The following SETD2 variants were observed in gnomAD, a reference collection of about 807,000 sequenced individuals.
SETD2 encodes SET domain containing 2, histone lysine methyltransferase.
A neutral mutation model predicts 242.1 loss-of-function variants in SETD2; 31 were observed. The observed-to-expected ratio is 0.13, with a 90% CI of 0.10 to 0.17. The LOEUF is 0.17. Ranked by LOEUF, SETD2 falls within the 10% of genes least tolerant of loss-of-function variation. The pLI is 1.00. For synonymous variants in SETD2, 1,006 were observed against 1,066.5 expected (o/e 0.94, Z 1.11); for missense variants, 2,481 against 3,046.3 (o/e 0.81, Z 4.37).
At chr3:47,106,183 C>T (rs1053132259) in intron 5 of SETD2, 63 bp from the exon 6 acceptor site, 6 of 1,447,788 alleles carry the variant, frequency 4.1e-6, no homozygotes, top group Admixed American at 4.2e-5. Flanking sequence ...AACATATATG[C>T]TCAGGCAAAA....
chr3:47,131,961 A>G (rs2043487669), intron 1 of SETD2, among the ~76,000 whole-genome samples: 1 of 150,974 alleles, frequency 6.6e-6, no homozygotes, highest in African/African-American at 2.4e-5. Flanking sequence ...TATTTTTAGT[A>G]GAGACAGGGT....
chr3:47,087,996 T>C lies in SETD2; in HGVS notation c.5277+117A>G, dbSNP rs138282303. On this transcript the variant is annotated intron_variant, in intron 10 of 20. Transcript: ENST00000409792. ...ACAAACAAACAAACAAACAAACAAATAAATAAATAAATAAAATAAGACTAA... is the reference window on the plus strand; with the variant it reads ...ACAAACAAACAAACAAACAAACAAACAAATAAATAAATAAAATAAGACTAA... The C allele has an allele frequency of 2.5e-3, 2,469 of 974,320 alleles. 17 individuals are homozygous for C. Among genetic ancestry groups the C allele is most frequent in the East Asian group, 0.022 (609 of 27,122 alleles). 60.4% of individuals were successfully genotyped at this position (974,320 alleles called of 1,614,324 possible).
intron 18 of SETD2, among the ~76,000 whole-genome samples, chr3:47,034,302 G>A (rs1427481082): frequency 1.3e-5 from 2 of 152,128 alleles, no homozygotes; most frequent in African/African-American, 4.8e-5. Context: ...GCTAGTATTA[G>A]GAGGAATGTT....
intron 10 of SETD2, among the ~76,000 whole-genome samples, chr3:47,087,605 AC>A (rs2041618793): frequency 6.6e-6 from 1 of 151,996 alleles, no homozygotes; most frequent in Non-Finnish European, 1.5e-5. Flanking sequence ...ATGATACTGA[AC>A]TCTTTAGCCA....
chr3:47,096,227 T>C (rs144703342), intron 9 of SETD2, among the ~76,000 whole-genome samples: 38 of 152,348 alleles, frequency 2.5e-4, no homozygotes, highest in Non-Finnish European at 4.9e-4. Context: ...GATGCTGGAT[T>C]GGAGCTTATT....
chr3:47,023,688 A>G (rs557402601), intron 18 of SETD2, among the ~76,000 whole-genome samples: 2 of 152,356 alleles, frequency 1.3e-5, no homozygotes, highest in East Asian at 3.9e-4. Context: ...AATAATACAA[A>G]TAAGAACCAA....
chr3:47,139,211 C>T (rs968451499), intron 1 of SETD2, among the ~76,000 whole-genome samples: 2 of 152,166 alleles, frequency 1.3e-5, no homozygotes, highest in African/African-American at 4.8e-5. Flanking sequence ...CTCCACACTA[C>T]ACACATACCA....
chr3:47,054,867 G>A (rs1447748589), intron 15 of SETD2, among the ~76,000 whole-genome samples: 1 of 152,056 alleles, frequency 6.6e-6, no homozygotes. Flanking sequence ...ATTTATGTAT[G>A]TATATGTATA....
At chr3:47,096,011 C>G (rs981150473) in intron 9 of SETD2, among the ~76,000 whole-genome samples, 1 of 152,184 alleles carries the variant, frequency 6.6e-6, no homozygotes, top group Non-Finnish European at 1.5e-5. Flanking sequence ...CCGCCTTGGC[C>G]TCCCAAAGTG....
At chr3:47,096,196 A>T (rs914685334) in intron 9 of SETD2, among the ~76,000 whole-genome samples, 1 of 152,214 alleles carries the variant, frequency 6.6e-6, no homozygotes, top group African/African-American at 2.4e-5. Context: ...AGTTTAACAC[A>T]ATGGTTAAGA....
chr3:47,151,394 CT>C (rs1487067785), intron 1 of SETD2, among the ~76,000 whole-genome samples: 1 of 151,990 alleles, frequency 6.6e-6, no homozygotes, highest in African/African-American at 2.4e-5. Flanking sequence ...AATAAAAAAG[CT>C]TAAGCAATCG....
At chr3:47,034,912 A>T (rs1461670122) in intron 18 of SETD2, among the ~76,000 whole-genome samples, 1 of 152,182 alleles carries the variant, frequency 6.6e-6, no homozygotes, top group Non-Finnish European at 1.5e-5. Context: ...GTGTATTTAA[A>T]ATGTGTATTT....
chr3:47,024,470 TCAAATAAA>T (rs1287470419), intron 18 of SETD2, among the ~76,000 whole-genome samples: 2 of 151,918 alleles, frequency 1.3e-5, no homozygotes, highest in Non-Finnish European at 2.9e-5. Context: ...AGACTCCGTC[TCAAATAAA>T]CAAATAAACA....
At chr3:47,104,261 G>T (rs1236612863) in intron 6 of SETD2, among the ~76,000 whole-genome samples, 1 of 152,044 alleles carries the variant, frequency 6.6e-6, no homozygotes. Flanking sequence ...ATTTTCCAAG[G>T]CCAGGCACAG....
At chr3:47,033,112 TC>T (rs1322748456) in intron 18 of SETD2, among the ~76,000 whole-genome samples, 3 of 152,164 alleles carry the variant, frequency 2.0e-5, no homozygotes, top group Non-Finnish European at 4.4e-5. Flanking sequence ...CCAAGATCTA[TC>T]CCCAACAATG....
At chr3:47,036,905 T>TAAAAAAAAAAGAAA (rs1553678749) in intron 18 of SETD2, among the ~76,000 whole-genome samples, 1 of 117,906 alleles carries the variant, frequency 8.5e-6, no homozygotes, top group East Asian at 2.6e-4. Flanking sequence ...CCGTCTCATT[T>TAAAAAAAAAAGAAA]AAAAAAAAAA....
chr3:47,083,042 C>T (rs1165432775), intron 12 of SETD2, among the ~76,000 whole-genome samples: 1 of 152,226 alleles, frequency 6.6e-6, no homozygotes, highest in Non-Finnish European at 1.5e-5. Context: ...CCACACCTCT[C>T]CTAGGTTTAT....
At chr3:47,105,656 T>C in intron 6 of SETD2, 1 of 450,786 alleles carries the variant, frequency 2.2e-6, no homozygotes, top group South Asian at 1.6e-5. Context: ...CAGGACACGG[T>C]GGCTCATGCC....
chr3:47,116,813 T>C (rs568919018), intron 3 of SETD2, 59 bp from the exon 4 acceptor site: 8 of 1,240,356 alleles, frequency 6.4e-6, no homozygotes, highest in South Asian at 3.9e-5. Flanking sequence ...AGATATAACA[T>C]ATATAATCAA....
Sources: gnomAD v4.1 joint callset for allele counts (sites outside exome capture counted in the v4.1 genomes callset) on GRCh38, gnomAD v4.1.1 for gene constraint, MANE v1.5 for transcripts, NCBI Gene and HGNC (gene_info 2026-07-23, HGNC 2026-07-21) for gene names.